DPY19L1: variants seen among roughly 807,000 people sequenced by gnomAD.
DPY19L1 encodes the protein dpy-19 like C-mannosyltransferase 1, also known as protein C-mannosyl-transferase DPY19L1.
A neutral mutation model predicts 96.9 loss-of-function variants in DPY19L1; 35 were observed. The ratio of observed to expected loss-of-function variants is 0.36; its 90% CI spans 0.28 to 0.48. The LOEUF is 0.48. Among genes scored for constraint, DPY19L1 ranks in the 20% least tolerant of loss-of-function variants. The probability of loss-of-function intolerance (pLI) is 0.99; values close to 1 mark genes in which losing one functional copy is unlikely to be tolerated. For synonymous variants in DPY19L1, 205 were observed against 252.6 expected (o/e 0.81, Z 1.79); for missense variants, 521 against 777.9 (o/e 0.67, Z 3.93).
chr7:34,945,809 A>G (rs1332463397), intron 15 of DPY19L1, 93 bp from the exon 16 acceptor site: 10 of 838,468 alleles, frequency 1.2e-5, no homozygotes, highest in Non-Finnish European at 1.9e-5. Flanking sequence ...ATAACTTTTA[A>G]TGAAAATATA....
chr7:34,960,243 A>G (rs918342144), intron 10 of DPY19L1, among the ~76,000 whole-genome samples: 1 of 151,942 alleles, frequency 6.6e-6, no homozygotes, highest in Non-Finnish European at 1.5e-5. Context: ...ACTTTATTCA[A>G]TAACGTGTTA....
At chr7:34,971,478 A>C (rs1784722954) in intron 8 of DPY19L1, among the ~76,000 whole-genome samples, 1 of 152,218 alleles carries the variant, frequency 6.6e-6, no homozygotes, top group Admixed American at 6.5e-5. Context: ...GCCAATGAAG[A>C]TGGCGAGGAA....
intron 7 of DPY19L1, among the ~76,000 whole-genome samples, chr7:34,985,602 A>T (rs1785030707): frequency 6.6e-6 from 1 of 152,110 alleles, no homozygotes; most frequent in African/African-American, 2.4e-5. Flanking sequence ...ACCATAGGGG[A>T]AATTCAAATT....
At chr7:34,994,961 A>G (rs1395232256) in intron 6 of DPY19L1, among the ~76,000 whole-genome samples, 1 of 152,166 alleles carries the variant, frequency 6.6e-6, no homozygotes, top group Non-Finnish European at 1.5e-5. Flanking sequence ...TTTTTCACCA[A>G]ATTACTAAAA....
In DPY19L1 at chr7:34,929,199, A is replaced by G. The variant is rs1318966420; in HGVS notation, c.*2374T>C. 1.3e-5 allele frequency: 2 copies of G among 152,246 alleles called. No individual in the cohort carries two copies. The highest frequency in any genetic ancestry group is 1.3e-4 in the Admixed American group (2 of 15,286). The allele number at this position is 152,246 out of a possible 1,614,324, so 9.4% of individuals were successfully genotyped here. ...TATTTGTAAATGCTAACAATATGCA[A>G]AACACTGAGCTTTAATACTGTTTTG... is the stretch of plus-strand genomic sequence containing the variant. On this transcript the variant is annotated 3_prime_UTR_variant, in exon 22 of 22. Coordinates refer to ENST00000638088, the MANE Select transcript of DPY19L1 (RefSeq NM_001366673.1).
At chr7:34,975,256 A>G (rs534445049) in intron 7 of DPY19L1, among the ~76,000 whole-genome samples, 3 of 152,350 alleles carry the variant, frequency 2.0e-5, no homozygotes, top group African/African-American at 7.2e-5. Context: ...TCAGAAATGC[A>G]AAAGAAAAAT....
intron 1 of DPY19L1, among the ~76,000 whole-genome samples, chr7:35,032,942 G>A (rs1786295988): frequency 6.6e-6 from 1 of 152,124 alleles, no homozygotes; most frequent in Non-Finnish European, 1.5e-5. Flanking sequence ...CCTCTTGCTA[G>A]GTCCGTGAAC....
intron 3 of DPY19L1, among the ~76,000 whole-genome samples, chr7:35,015,936 T>C (rs971828038): frequency 6.6e-6 from 1 of 152,212 alleles, no homozygotes; most frequent in Non-Finnish European, 1.5e-5. Flanking sequence ...CTTTGGTACT[T>C]TTATTCCTAA....
At chr7:35,013,444 T>C (rs1172768761) in intron 4 of DPY19L1, 124 bp downstream of exon 4, 4 of 695,100 alleles carry the variant, frequency 5.8e-6, no homozygotes, top group Admixed American at 6.6e-5. Flanking sequence ...ACAAGATACA[T>C]ATTTTCTTTT....
At chr7:34,996,927 A>G (rs992165574) in intron 6 of DPY19L1, among the ~76,000 whole-genome samples, 1 of 152,174 alleles carries the variant, frequency 6.6e-6, no homozygotes, top group Non-Finnish European at 1.5e-5. Flanking sequence ...GCAGAGCCAC[A>G]TGAGCTGATG....
At chr7:34,936,716 A>G (rs989805724) in intron 21 of DPY19L1, among the ~76,000 whole-genome samples, 1 of 152,382 alleles carries the variant, frequency 6.6e-6, no homozygotes, top group Middle Eastern at 3.4e-3. Flanking sequence ...AACATTTTCT[A>G]TAAATCCTGA....
At position 34,944,380 on chromosome 7, in the gene DPY19L1, A is replaced by G. The variant is rs1228859955; in HGVS notation, c.1544+1287T>C. 2.0e-5 allele frequency among the ~76,000 whole-genome samples: 3 copies of G among 150,516 alleles called. 1 individual carries two copies. Among genetic ancestry groups the G allele is most frequent in the African/African-American group, 7.3e-5 (3 of 40,994 alleles). On this transcript the variant is annotated intron_variant, in intron 16 of 21. Transcript: ENST00000638088. ...GGCTCTGTCTCAAAAAAAAAAAAAA[A>G]AAAAGAAAAATTAAAAAAAAGAAAA...
chr7:35,003,756 G>A (rs1421439997), intron 6 of DPY19L1, among the ~76,000 whole-genome samples: 5 of 152,228 alleles, frequency 3.3e-5, no homozygotes, highest in Non-Finnish European at 7.3e-5. Context: ...CTGGCCATAT[G>A]CAAGGCTTTG....
Position 35,019,463 on chromosome 7 carries a change from AAAAG to A in DPY19L1, c.299-871_299-868del, listed in dbSNP as rs574901484. ...CTGAGACTCTGTTTCTCAAAAAAACAAAAGAAAGAGAAAAAGAAGAAGTAGGAGG... is the reference window on the plus strand; with the variant it reads ...CTGAGACTCTGTTTCTCAAAAAAACAAAAGAGAAAAAGAAGAAGTAGGAGG... On this transcript the variant is annotated intron_variant, in intron 1 of 21. Coordinates refer to ENST00000638088, the MANE Select transcript of DPY19L1 (RefSeq NM_001366673.1). 4.1e-3 allele frequency among the ~76,000 whole-genome samples: 627 copies of A among 152,228 alleles called. 1 individual carries two copies. The highest frequency in any genetic ancestry group is 0.014 in the African/African-American group (584 of 41,516).
intron 1 of DPY19L1, among the ~76,000 whole-genome samples, chr7:35,024,456 T>C (rs1786074489): frequency 1.3e-5 from 2 of 152,336 alleles, no homozygotes; most frequent in East Asian, 1.9e-4. Context: ...GTCATCAGTA[T>C]TGGTTTCCCT....
chr7:34,960,113 C>T (rs1391665653), intron 10 of DPY19L1, among the ~76,000 whole-genome samples: 2 of 150,808 alleles, frequency 1.3e-5, no homozygotes, highest in African/African-American at 2.4e-5. Flanking sequence ...ATTTAAAAGG[C>T]ACTAAAAATA....
At chr7:34,971,176 T>G (rs1784718106) in intron 8 of DPY19L1, among the ~76,000 whole-genome samples, 1 of 152,160 alleles carries the variant, frequency 6.6e-6, no homozygotes, top group Non-Finnish European at 1.5e-5. Context: ...AGGAAATGGC[T>G]GCTCTTCCAA....
At chr7:34,964,239 T>C (rs931423950) in intron 10 of DPY19L1, among the ~76,000 whole-genome samples, 1 of 152,080 alleles carries the variant, frequency 6.6e-6, no homozygotes, top group African/African-American at 2.4e-5. Flanking sequence ...TATAATAAAG[T>C]ATGTATCATT....
intron 14 of DPY19L1, among the ~76,000 whole-genome samples, chr7:34,948,929 T>C (rs187296617): frequency 6.6e-6 from 1 of 152,338 alleles, no homozygotes; most frequent in East Asian, 1.9e-4. Flanking sequence ...GTTTCCTGTG[T>C]GGTGCCCTCT....
Sources: gnomAD v4.1 joint callset for allele counts (sites outside exome capture counted in the v4.1 genomes callset) on GRCh38, gnomAD v4.1.1 for gene constraint, MANE v1.5 for transcripts, NCBI Gene and HGNC (gene_info 2026-07-23, HGNC 2026-07-21) for gene names.